Variants in SPACA9 observed in about 807,000 individuals in gnomAD.
The protein encoded by SPACA9 is sperm acrosome associated 9.
SPACA9 carries 14 observed loss-of-function variants against 12.5 expected under a neutral mutation model. That is an observed-to-expected ratio of 1.12 (90% confidence interval 0.74 to 1.75). The LOEUF is 1.75. Among genes scored for constraint, SPACA9 ranks in the 40% most tolerant of loss-of-function variants. SPACA9 has a pLI of 0.00. For missense variants in SPACA9, 292 were observed against 291.9 expected (o/e 1.00, Z 0.00); for synonymous variants, 111 against 114.1 (o/e 0.97, Z 0.17).
intron 1 of SPACA9, among the ~76,000 whole-genome samples, chr9:132,881,299 A>G (rs1844422298): frequency 1.1e-5 from 1 of 93,112 alleles, no homozygotes; most frequent in Non-Finnish European, 2.4e-5. Flanking sequence ...AAAAAGAAGA[A>G]AAAAAAAAAA....
At chr9:132,879,447 C>T (rs1844319798) in intron 1 of SPACA9, among the ~76,000 whole-genome samples, 1 of 152,202 alleles carries the variant, frequency 6.6e-6, no homozygotes, top group South Asian at 2.1e-4. Context: ...TCTCTGCTTG[C>T]TCCGTGCCTC....
At chr9:132,883,787 C>A in intron 1 of SPACA9, 124 bp from the exon 2 acceptor site, 1 of 708,756 alleles carries the variant, frequency 1.4e-6, no homozygotes, top group Non-Finnish European at 2.4e-6. Context: ...TGTGGGGAGG[C>A]ACTCACAAGG....
In SPACA9 at chr9:132,889,222, A is replaced by G; in HGVS notation, c.*611A>G. On this transcript the variant is annotated 3_prime_UTR_variant, in exon 4 of 4. Coordinates refer to ENST00000356311, the MANE Select transcript of SPACA9 (RefSeq NM_001316897.2). ...GTCACCTAGGTCCTCTTTGAGCCAC[A>G]TCCGGCTCCAGTGCCACGCCTGTCC... The G allele has an allele frequency of 1.0e-6, 1 of 986,072 alleles. No individual in the cohort carries two copies. Among genetic ancestry groups the G allele is most frequent in the Non-Finnish European group, 1.2e-6 (1 of 830,466 alleles). 61.1% of individuals were successfully genotyped at this position (986,072 alleles called of 1,614,324 possible). A position where few individuals can be genotyped will look rare whatever the true frequency, so the allele number is the denominator to read the frequency against.
intron 2 of SPACA9, 47 bp downstream of exon 2, chr9:132,884,138 C>A: frequency 6.3e-7 from 1 of 1,591,386 alleles, no homozygotes. Context: ...CAAGCCCAGT[C>A]CCCTCTCACA....
In SPACA9 at chr9:132,888,618, G is replaced by C. The variant is rs1588270845; in HGVS notation, c.*7G>C. 1 of 1,519,686 alleles carries C rather than the reference G, an allele frequency of 6.6e-7. No homozygotes were observed. Among genetic ancestry groups the C allele is most frequent in the South Asian group, 1.2e-5 (1 of 80,478 alleles). The allele number at this position is 1,519,686 out of a possible 1,614,324, so 94.1% of individuals were successfully genotyped here. A position where few individuals can be genotyped will look rare whatever the true frequency, so the allele number is the denominator to read the frequency against. ...TCCTGGTGGGAAATTGTAACTCAGA[G>C]CCAGGAGCTCCGTCGGCGGAGAGCT... On this transcript the variant is annotated 3_prime_UTR_variant, in exon 4 of 4. Transcript: ENST00000356311. This position sits in a 1 kb window ranked among gnomAD's most constrained non-coding sequence, Gnocchi z 5.0.
rs1378777944 is a variant in SPACA9, at chr9:132,887,383, G to A, written c.159G>A (p.Met53Ile). 1.2e-6 allele frequency: 2 copies of A among 1,612,306 alleles called. No homozygotes were observed. Among genetic ancestry groups the A allele is most frequent in the East Asian group, 4.5e-5 (2 of 44,868 alleles). ...GGCCCTTGCAGGTGCAGAGCTACAT[G>A]GAACACTACTGCAACAGCTCCACAG... ...ISSIGQVQSYMEHYCNSSTDR... is the reference protein window; with the variant it reads ...ISSIGQVQSYIEHYCNSSTDR... The change falls in exon 3 of 4, where the codon ATG (methionine) becomes ATA (isoleucine). Residue 53 changes from methionine (M) to isoleucine (I), a missense_variant. Physicochemically the swap from Met to Ile is conservative, Grantham distance 10. Transcript: ENST00000356311. This position sits in a 1 kb window ranked among gnomAD's most constrained non-coding sequence, Gnocchi z 5.4.
rs367975616 is a variant in SPACA9 at position 132,887,337 on chromosome 9, G to A, written c.145-32G>A. ...AGCCAGCCAGGACCCGGGTTGGCAT[G>A]TCCCCAGCTCATGTGGCGGCGGCCC... On this transcript the variant is annotated intron_variant, in intron 2 of 3. Coordinates refer to ENST00000356311, the MANE Select transcript of SPACA9 (RefSeq NM_001316897.2). The surrounding 1 kb of genome is among the most constrained non-coding windows in gnomAD (Gnocchi z 5.4). 1.9e-6 allele frequency: 3 copies of A among 1,600,126 alleles called. No individual in the cohort carries two copies. Among genetic ancestry groups the A allele is most frequent in the Non-Finnish European group, 2.6e-6 (3 of 1,175,786 alleles).
chr9:132,878,688 T>C (rs1206845837), upstream of SPACA9: 1 of 989,024 alleles, frequency 1.0e-6, no homozygotes, highest in African/African-American at 1.8e-5. The surrounding 1 kb of genome is among the most constrained non-coding windows in gnomAD (Gnocchi z 4.7). Context: ...TGGGGGAGGG[T>C]GTTTGAAGGG....
chr9:132,882,388 G>A (rs1844453246), intron 1 of SPACA9, among the ~76,000 whole-genome samples: 1 of 151,584 alleles, frequency 6.6e-6, no homozygotes, highest in South Asian at 2.1e-4. Flanking sequence ...CTCCTGGTCT[G>A]TTCTTGTGTT....
upstream of SPACA9, chr9:132,878,612 G>A: frequency 1.9e-6 from 2 of 1,076,122 alleles, no homozygotes; most frequent in Non-Finnish European, 2.3e-6. This position sits in a 1 kb window ranked among gnomAD's most constrained non-coding sequence, Gnocchi z 4.7. Flanking sequence ...GGTTCTGTCA[G>A]TGCTCCCCGG....
chr9:132,881,297 G>GA (rs201716244), intron 1 of SPACA9, among the ~76,000 whole-genome samples: 182 of 120,574 alleles, frequency 1.5e-3, no homozygotes, highest in Middle Eastern at 9.0e-3. Flanking sequence ...AAAAAAAGAA[G>GA]AAAAAAAAAA....
chr9:132,878,798 C>G (rs539556261), upstream of SPACA9: 81 of 984,726 alleles, frequency 8.2e-5, no homozygotes, highest in African/African-American at 1.3e-3. The surrounding 1 kb of genome is among the most constrained non-coding windows in gnomAD (Gnocchi z 4.7). Flanking sequence ...CCCAGCTCCC[C>G]GGCTCTGGCC....
Position 132,888,266 on chromosome 9 carries a change from A to G in SPACA9, c.348-24A>G. ...TGGCAAGTCCCGGGAGCATGGGTTC[A>G]CCTGGCCCCCTGCCGTCCTGCAGAT... is the stretch of plus-strand genomic sequence containing the variant. On this transcript the variant is annotated intron_variant, in intron 3 of 3. Coordinates refer to ENST00000356311, the MANE Select transcript of SPACA9 (RefSeq NM_001316897.2). The surrounding 1 kb of genome is among the most constrained non-coding windows in gnomAD (Gnocchi z 5.0). 1.3e-6 allele frequency: 2 copies of G among 1,578,042 alleles called. No individual in the cohort carries two copies. The highest frequency in any genetic ancestry group is 1.2e-5 in the South Asian group (1 of 84,938).
At position 132,889,025 on chromosome 9, in the gene SPACA9, C is replaced by T; in HGVS notation, c.*414C>T. On this transcript the variant is annotated 3_prime_UTR_variant, in exon 4 of 4. Transcript: ENST00000356311. ...CTCATGATCTACCCTCGTGATCGGC[C>T]TCCCAAAGTGCTGGGATTACAGGCG... The T allele has an allele frequency of 2.1e-6, 2 of 937,918 alleles. No individual in the cohort carries two copies. Among genetic ancestry groups the T allele is most frequent in the Non-Finnish European group, 2.6e-6 (2 of 780,000 alleles). The allele number at this position is 937,918 out of a possible 1,614,324, so 58.1% of individuals were successfully genotyped here.
chr9:132,881,504 G>A (rs989519599), intron 1 of SPACA9, among the ~76,000 whole-genome samples: 1 of 151,634 alleles, frequency 6.6e-6, no homozygotes, highest in African/African-American at 2.4e-5. Context: ...AGTGGCTCAT[G>A]CCTATCATCC....
At chr9:132,878,759 C>T, upstream of SPACA9, 4 of 986,000 alleles carry the variant, frequency 4.1e-6, no homozygotes, top group African/African-American at 1.7e-5. This position sits in a 1 kb window ranked among gnomAD's most constrained non-coding sequence, Gnocchi z 4.7. Flanking sequence ...CTCAGCCCAA[C>T]TCCTAGAGTC....
chr9:132,879,980 T>C (rs760127996), intron 1 of SPACA9, among the ~76,000 whole-genome samples: 1 of 152,154 alleles, frequency 6.6e-6, no homozygotes, highest in Non-Finnish European at 1.5e-5. Context: ...CCAAACCGCT[T>C]CCTCAAAGTG....
intron 2 of SPACA9, 117 bp downstream of exon 2, chr9:132,884,208 G>A (rs528016726): frequency 5.6e-6 from 6 of 1,070,748 alleles, no homozygotes; most frequent in East Asian, 5.1e-5. Context: ...ATTAGGACCC[G>A]GACCCAGAAC....
In SPACA9 at chr9:132,888,208, G is replaced by A. The variant is rs1245923715; in HGVS notation, c.348-82G>A. On this transcript the variant is annotated intron_variant, in intron 3 of 3. Coordinates refer to ENST00000356311, the MANE Select transcript of SPACA9 (RefSeq NM_001316897.2). The surrounding 1 kb of genome is among the most constrained non-coding windows in gnomAD (Gnocchi z 5.0). ...TAAAGCCTCCCCAGGTGACTCTGCT[G>A]TGCCTGAGGTGTGGCAGCTGCTTGC... 5 of 1,544,054 alleles carry A rather than the reference G, an allele frequency of 3.2e-6. No homozygotes were observed. Among genetic ancestry groups the A allele is most frequent in the African/African-American group, 2.7e-5 (2 of 72,748 alleles).
Sources: gnomAD v4.1 joint callset for allele counts (sites outside exome capture counted in the v4.1 genomes callset) on GRCh38, gnomAD v4.1.1 for gene constraint, Gnocchi (gnomAD v3.1) non-coding constraint, MANE v1.5 for transcripts, NCBI Gene and HGNC (gene_info 2026-07-23, HGNC 2026-07-21) for gene names.